The following CADPS2 variants were observed in gnomAD, a reference collection of about 807,000 sequenced individuals.
The protein encoded by CADPS2 is calcium-dependent secretion activator 2.
In CADPS2, 93 loss-of-function variants were observed where a neutral mutation model predicts 172.5. The ratio of observed to expected loss-of-function variants is 0.54; its 90% CI spans 0.46 to 0.64. The LOEUF (loss-of-function observed/expected upper bound fraction) is 0.64, where lower values mean the gene tolerates loss of function less well. Ranked by LOEUF, CADPS2 falls within the 30% of genes least tolerant of loss-of-function variation. The probability of loss-of-function intolerance (pLI) is 0.00; values close to 1 mark genes in which losing one functional copy is unlikely to be tolerated. For synonymous variants in CADPS2, 546 were observed against 555.2 expected (o/e 0.98, Z 0.23); for missense variants, 1,420 against 1,565.9 (o/e 0.91, Z 1.57).
intron 2 of CADPS2, among the ~76,000 whole-genome samples, chr7:122,690,712 TAAC>T (rs1346760620): frequency 1.3e-5 from 2 of 152,040 alleles, no homozygotes; most frequent in East Asian, 1.9e-4. Flanking sequence ...TTCACATAAT[TAAC>T]AACAAGGTTA....
intron 28 of CADPS2, among the ~76,000 whole-genome samples, chr7:122,339,831 G>A (rs2036497093): frequency 6.6e-6 from 1 of 152,150 alleles, no homozygotes; most frequent in South Asian, 2.1e-4. Flanking sequence ...GTTGCAGTGA[G>A]CCGAGATTCC....
At chr7:122,874,567 T>C (rs554985679) in intron 1 of CADPS2, among the ~76,000 whole-genome samples, 3 of 152,290 alleles carry the variant, frequency 2.0e-5, no homozygotes, top group South Asian at 2.1e-4. Context: ...AGAGCTCGTA[T>C]AGCCAAGACA....
At position 122,319,098 on chromosome 7, in the gene CADPS2, CTAAT is replaced by C. The variant is rs1421153262; in HGVS notation, c.*1063_*1066del. The C allele has an allele frequency of 6.6e-6, 1 of 152,044 alleles. No individual in the cohort carries two copies. Among genetic ancestry groups the C allele is most frequent in the Non-Finnish European group, 1.5e-5 (1 of 68,018 alleles). The allele number at this position is 152,044 out of a possible 1,614,324, so 9.4% of individuals were successfully genotyped here. A position where few individuals can be genotyped will look rare whatever the true frequency, so the allele number is the denominator to read the frequency against. On this transcript the variant is annotated 3_prime_UTR_variant, in exon 30 of 30. Coordinates refer to ENST00000449022, the MANE Select transcript of CADPS2 (RefSeq NM_017954.11). ...TTACTAGTTAATATTACTAACATTA[CTAAT>C]TATTAGTTAACATTGATTACTAATA...
rs542528522 is a variant in CADPS2, at chr7:122,681,762, A to C, written c.454-18193T>G. The stretch of plus-strand genomic sequence containing the variant: ...AATAATAATAAAAGAAAGAAAAAAA[A>C]CAACATCTAAAAAAAAATAAATAAA... On this transcript the variant is annotated intron_variant, in intron 2 of 29. Transcript: ENST00000449022. The C allele has an allele frequency of 7.9e-4, 420 of 534,458 alleles. 1 individual carries two copies. The highest frequency in any genetic ancestry group is 7.8e-3 in the African/African-American group (394 of 50,374). The allele number at this position is 534,458 out of a possible 1,614,324, so 33.1% of individuals were successfully genotyped here. A position where few individuals can be genotyped will look rare whatever the true frequency, so the allele number is the denominator to read the frequency against.
intron 6 of CADPS2, among the ~76,000 whole-genome samples, chr7:122,586,082 T>C (rs568216816): frequency 3.9e-5 from 6 of 151,984 alleles, no homozygotes; most frequent in Non-Finnish European, 8.8e-5. Context: ...GATGAACTAT[T>C]TTGCTACTTT....
At chr7:122,787,631 T>C (rs1437870320) in intron 1 of CADPS2, among the ~76,000 whole-genome samples, 4 of 152,160 alleles carry the variant, frequency 2.6e-5, no homozygotes, top group Admixed American at 6.6e-5. Flanking sequence ...GAAAACCACA[T>C]TGTATTCACC....
intron 1 of CADPS2, among the ~76,000 whole-genome samples, chr7:122,789,057 T>C (rs1794693217): frequency 6.6e-6 from 1 of 152,230 alleles, no homozygotes; most frequent in Non-Finnish European, 1.5e-5. Flanking sequence ...AGAGTCCTTA[T>C]GTCCTCAGTG....
intron 2 of CADPS2, among the ~76,000 whole-genome samples, chr7:122,707,128 T>C (rs1423628069): frequency 6.6e-6 from 1 of 151,640 alleles, no homozygotes; most frequent in African/African-American, 2.4e-5. Context: ...TCCTGAAGTA[T>C]CCCCAAAGGA....
intron 1 of CADPS2, among the ~76,000 whole-genome samples, chr7:122,865,106 T>C (rs1215062590): frequency 6.6e-6 from 1 of 152,146 alleles, no homozygotes; most frequent in Non-Finnish European, 1.5e-5. Context: ...ACTCTGTTAG[T>C]TTCCGTGAGG....
chr7:122,691,943 C>T lies in CADPS2; in HGVS notation c.454-28374G>A, dbSNP rs1356608494. Among the ~76,000 whole-genome samples, 6 of 152,198 alleles carry T rather than the reference C, an allele frequency of 3.9e-5. No individual in the cohort carries two copies. In the East Asian group the frequency reaches 1.2e-3, roughly 29 times the overall value. On this transcript the variant is annotated intron_variant, in intron 2 of 29. Transcript: ENST00000449022. Reference sequence around the variant, plus strand: ...CACTTTCACTGACTGGTCTTCATAACCATTAATAAACACAGCTCTGCCCGG... The same window carrying T: ...CACTTTCACTGACTGGTCTTCATAATCATTAATAAACACAGCTCTGCCCGG...
In CADPS2 at chr7:122,461,253, A is replaced by G. The variant is rs1184548345; in HGVS notation, c.2187-9778T>C. On this transcript the variant is annotated intron_variant, in intron 14 of 29. Transcript: ENST00000449022. Reference sequence around the variant, plus strand: ...ATATAGAAGATAAAATGCCTAGTACATGGGTAATTGGAGCTTCAGATGAGA... The same window carrying G: ...ATATAGAAGATAAAATGCCTAGTACGTGGGTAATTGGAGCTTCAGATGAGA... Among the ~76,000 whole-genome samples, 6 of 152,348 alleles carry G rather than the reference A, an allele frequency of 3.9e-5. No homozygotes were observed. The South Asian group carries it at 6.2e-4, about 16-fold the overall frequency.
intron 4 of CADPS2, among the ~76,000 whole-genome samples, chr7:122,622,290 C>G (rs2075681049): frequency 6.6e-6 from 1 of 152,134 alleles, no homozygotes; most frequent in African/African-American, 2.4e-5. Flanking sequence ...GTGCCAAGAT[C>G]TCTTCTGGCT....
intron 1 of CADPS2, among the ~76,000 whole-genome samples, chr7:122,835,353 T>G (rs1040126828): frequency 1.3e-5 from 2 of 152,120 alleles, no homozygotes; most frequent in Non-Finnish European, 2.9e-5. Context: ...GCAGAAAAGC[T>G]GAAAATTCTA....
intron 2 of CADPS2, among the ~76,000 whole-genome samples, chr7:122,712,768 C>T (rs556025951): frequency 2.0e-5 from 3 of 152,158 alleles, no homozygotes; most frequent in East Asian, 3.9e-4. Context: ...GATTTGGTGT[C>T]TCATGAGGGC....
intron 4 of CADPS2, among the ~76,000 whole-genome samples, chr7:122,626,403 A>G (rs1015760339): frequency 6.6e-6 from 1 of 152,206 alleles, no homozygotes; most frequent in Non-Finnish European, 1.5e-5. Flanking sequence ...GGATTTCCTG[A>G]TAAGTTTTGC....
chr7:122,527,703 G>A (rs1001464474), intron 8 of CADPS2, among the ~76,000 whole-genome samples: 2 of 145,958 alleles, frequency 1.4e-5, no homozygotes, highest in Non-Finnish European at 3.0e-5. Flanking sequence ...ATTATGACAC[G>A]TATTTTCCCC....
intron 27 of CADPS2, among the ~76,000 whole-genome samples, chr7:122,359,546 A>G (rs1188013802): frequency 6.6e-6 from 1 of 152,168 alleles, no homozygotes; most frequent in Non-Finnish European, 1.5e-5. Context: ...TCCATTTGTA[A>G]TTCAAAATCA....
At chr7:122,768,454 G>C (rs936696608) in intron 1 of CADPS2, among the ~76,000 whole-genome samples, 1 of 152,050 alleles carries the variant, frequency 6.6e-6, no homozygotes, top group African/African-American at 2.4e-5. Flanking sequence ...GCAAATATAT[G>C]ACTGCTTAAT....
chr7:122,743,811 T>A (rs1247946249), intron 1 of CADPS2, among the ~76,000 whole-genome samples: 1 of 152,152 alleles, frequency 6.6e-6, no homozygotes, highest in Non-Finnish European at 1.5e-5. Context: ...AACAGCTACA[T>A]CAAACCACTG....
Sources: gnomAD v4.1 joint callset for allele counts (sites outside exome capture counted in the v4.1 genomes callset) on GRCh38, gnomAD v4.1.1 for gene constraint, MANE v1.5 for transcripts, NCBI Gene and HGNC (gene_info 2026-07-23, HGNC 2026-07-21) for gene names.